ULK4: variants seen among roughly 807,000 people sequenced by gnomAD.
ULK4 encodes the protein inactive serine/threonine-protein kinase ULK4.
A neutral mutation model predicts 160.6 loss-of-function variants in ULK4; 133 were observed. That is an observed-to-expected ratio of 0.83 (90% confidence interval 0.72 to 0.96). ULK4 has a LOEUF of 0.96. Among genes scored for constraint, ULK4 ranks in the 40% least tolerant of loss-of-function variants. ULK4 has a pLI of 0.00. For missense variants in ULK4, 1,580 were observed against 1,499.5 expected (o/e 1.05, Z -0.89); for synonymous variants, 534 against 539.8 (o/e 0.99, Z 0.15).
Position 41,912,803 on chromosome 3 carries a change from C to A in ULK4, c.896+4G>T, listed in dbSNP as rs1698834841. 1.9e-6 allele frequency: 3 copies of A among 1,613,642 alleles called. No homozygotes were observed. Among genetic ancestry groups the A allele is most frequent in the Non-Finnish European group, 2.5e-6 (3 of 1,179,746 alleles). ...TCCCATACACAAAGGTAAGTGTATACTACCTGAGACTGAGATCTTCGACGC... is the reference window on the plus strand; with the variant it reads ...TCCCATACACAAAGGTAAGTGTATAATACCTGAGACTGAGATCTTCGACGC... On this transcript the variant is annotated splice_donor_region_variant and intron_variant, in intron 9 of 36. Coordinates refer to ENST00000301831, the MANE Select transcript of ULK4 (RefSeq NM_017886.4).
chr3:41,859,260 G>A (rs1380213414), intron 17 of ULK4: 1 of 547,536 alleles, frequency 1.8e-6, no homozygotes, highest in Middle Eastern at 2.8e-4. Context: ...AGTCAAGAAA[G>A]GTGGTCTGGT....
At chr3:41,392,106 A>G (rs565988893) in intron 35 of ULK4, among the ~76,000 whole-genome samples, 2 of 152,266 alleles carry the variant, frequency 1.3e-5, no homozygotes, top group African/African-American at 4.8e-5. Context: ...CTAATCTACA[A>G]TCATTGCCCT....
intron 16 of ULK4, among the ~76,000 whole-genome samples, chr3:41,885,389 A>G (rs1047504855): frequency 3.3e-5 from 5 of 152,162 alleles, no homozygotes; most frequent in Non-Finnish European, 7.3e-5. Context: ...ACTTTTTACC[A>G]AAATCCTAAA....
chr3:41,456,983 C>T (rs2083569164), intron 33 of ULK4, among the ~76,000 whole-genome samples: 1 of 152,178 alleles, frequency 6.6e-6, no homozygotes, highest in South Asian at 2.1e-4. Context: ...ATCATTAGCT[C>T]GGAGCTTCCC....
chr3:41,812,451 T>C (rs1451718242), intron 19 of ULK4, among the ~76,000 whole-genome samples: 3 of 151,944 alleles, frequency 2.0e-5, no homozygotes, highest in African/African-American at 7.3e-5. Flanking sequence ...CAGGTATAAC[T>C]GTTCAAAAAA....
chr3:41,559,745 T>A (rs1043575561), intron 32 of ULK4, among the ~76,000 whole-genome samples: 4 of 152,190 alleles, frequency 2.6e-5, no homozygotes, highest in African/African-American at 9.6e-5. Context: ...GTAAATTTGT[T>A]TAAGTTCTTT....
chr3:41,938,780 A>G (rs1699862006), intron 2 of ULK4, among the ~76,000 whole-genome samples: 3 of 152,178 alleles, frequency 2.0e-5, no homozygotes, highest in South Asian at 4.1e-4. Flanking sequence ...TAGAAAAACG[A>G]CCAGAGGATA....
At chr3:41,281,978 A>G (rs1214014678) in intron 35 of ULK4, among the ~76,000 whole-genome samples, 2 of 152,208 alleles carry the variant, frequency 1.3e-5, no homozygotes, top group Non-Finnish European at 2.9e-5. Context: ...TCAATGTGCA[A>G]AAATCACAAG....
At chr3:41,732,695 T>C (rs932313831) in intron 22 of ULK4, among the ~76,000 whole-genome samples, 1 of 152,094 alleles carries the variant, frequency 6.6e-6, no homozygotes, top group African/African-American at 2.4e-5. Flanking sequence ...CTGTTCACAA[T>C]AAGCAAAGAT....
chr3:41,588,158 GAAAAC>G (rs979723523), intron 31 of ULK4, among the ~76,000 whole-genome samples: 6 of 151,962 alleles, frequency 3.9e-5, no homozygotes, highest in African/African-American at 1.4e-4. Flanking sequence ...GGTGGTGAGG[GAAAAC>G]AAAACAAAAC....
chr3:41,293,367 G>A (rs1457128615), intron 35 of ULK4, among the ~76,000 whole-genome samples: 1 of 152,152 alleles, frequency 6.6e-6, no homozygotes, highest in Non-Finnish European at 1.5e-5. Context: ...TCAGGAAGTG[G>A]CAAAGAGAGA....
chr3:41,292,510 G>T (rs949867762), intron 35 of ULK4, among the ~76,000 whole-genome samples: 4 of 152,200 alleles, frequency 2.6e-5, no homozygotes, highest in African/African-American at 9.6e-5. Flanking sequence ...GCTGGGTGTG[G>T]TGGCAGGCAC....
At chr3:41,623,080 C>T (rs1002736225) in intron 30 of ULK4, among the ~76,000 whole-genome samples, 3 of 152,170 alleles carry the variant, frequency 2.0e-5, no homozygotes, top group African/African-American at 4.8e-5. Flanking sequence ...TTCCTTTCTA[C>T]TATTTTATTA....
intron 35 of ULK4, among the ~76,000 whole-genome samples, chr3:41,383,161 C>T (rs1180218190): frequency 6.6e-6 from 1 of 151,528 alleles, no homozygotes; most frequent in Non-Finnish European, 1.5e-5. Context: ...TGCAATGGCG[C>T]AATCTCAGGT....
At chr3:41,394,704 G>A (rs2082021217) in intron 35 of ULK4, among the ~76,000 whole-genome samples, 1 of 152,110 alleles carries the variant, frequency 6.6e-6, no homozygotes, top group Non-Finnish European at 1.5e-5. Flanking sequence ...GAGGCCATCT[G>A]TATTCCATTT....
intron 32 of ULK4, among the ~76,000 whole-genome samples, chr3:41,482,343 A>G (rs2084358050): frequency 1.3e-5 from 2 of 152,158 alleles, no homozygotes; most frequent in Non-Finnish European, 2.9e-5. Context: ...AACATTTGAA[A>G]GCTGGGAGCA....
chr3:41,303,512 G>A (rs186119777), intron 35 of ULK4, among the ~76,000 whole-genome samples: 1 of 152,280 alleles, frequency 6.6e-6, no homozygotes, highest in African/African-American at 2.4e-5. Context: ...GGTTAGTGAG[G>A]TCTCAGCTTG....
intron 31 of ULK4, among the ~76,000 whole-genome samples, chr3:41,601,873 A>G (rs556742445): frequency 7.9e-5 from 12 of 152,086 alleles, no homozygotes; most frequent in Non-Finnish European, 1.5e-4. Flanking sequence ...TGGGTCTTGG[A>G]ATACAAAACA....
At chr3:41,497,261 T>A (rs1311977702) in intron 32 of ULK4, among the ~76,000 whole-genome samples, 1 of 151,954 alleles carries the variant, frequency 6.6e-6, no homozygotes, top group South Asian at 2.1e-4. Flanking sequence ...AAGAGCAGAC[T>A]AGAAATGGCA....
Sources: allele counts gnomAD v4.1 joint callset (sites outside exome capture counted in the v4.1 genomes callset), GRCh38; gene constraint gnomAD v4.1.1; transcripts MANE v1.5; gene names NCBI Gene and HGNC (gene_info 2026-07-23, HGNC 2026-07-21).